Variants in VRK2 observed in about 807,000 individuals in gnomAD.
VRK2 encodes the protein VRK serine/threonine kinase 2.
Under a neutral mutation model 57.6 loss-of-function variants are expected in VRK2, and 60 were observed. The observed-to-expected ratio is 1.04, with a 90% CI of 0.85 to 1.29. The LOEUF is 1.29. VRK2 is among the 50% of genes most tolerant of loss of function. The probability of loss-of-function intolerance (pLI) is 0.00; values close to 1 mark genes in which losing one functional copy is unlikely to be tolerated. For synonymous variants in VRK2, 231 were observed against 199.2 expected (o/e 1.16, Z -1.35); for missense variants, 705 against 588.1 (o/e 1.20, Z -2.06).
chr2:58,069,319 T>A (rs1296947903), intron 2 of VRK2, among the ~76,000 whole-genome samples: 2 of 152,168 alleles, frequency 1.3e-5, no homozygotes, highest in African/African-American at 4.8e-5. Flanking sequence ...GTATTGGTAG[T>A]TTACTTATCG....
chr2:57,953,007 C>T (rs1671475062), intron 1 of VRK2, among the ~76,000 whole-genome samples: 2 of 152,168 alleles, frequency 1.3e-5, no homozygotes, highest in Admixed American at 6.5e-5. Context: ...TCCCCAAGGA[C>T]AGAGTGATGT....
At chr2:58,152,146 A>G (rs542220034) in intron 12 of VRK2, among the ~76,000 whole-genome samples, 2 of 152,054 alleles carry the variant, frequency 1.3e-5, no homozygotes, top group Admixed American at 6.6e-5. Flanking sequence ...AGTATCCACA[A>G]TGGTATAATC....
At chr2:58,086,883 A>C (rs1671698211) in intron 5 of VRK2, among the ~76,000 whole-genome samples, 1 of 152,172 alleles carries the variant, frequency 6.6e-6, no homozygotes, top group Admixed American at 6.5e-5. Context: ...TGCATTCAAG[A>C]AGGAAGTCAT....
At chr2:57,932,176 C>T (rs188067840) in intron 1 of VRK2, among the ~76,000 whole-genome samples, 2 of 151,438 alleles carry the variant, frequency 1.3e-5, no homozygotes, top group African/African-American at 4.9e-5. Flanking sequence ...CTTGTTTTGT[C>T]CTTGTCTGGC....
At chr2:57,928,405 T>A (rs945417190) in intron 1 of VRK2, among the ~76,000 whole-genome samples, 30 of 152,228 alleles carry the variant, frequency 2.0e-4, no homozygotes, top group East Asian at 5.8e-4. Context: ...AATCTCTTTG[T>A]TAAATTTATA....
chr2:58,151,726 T>G (rs1573423834), intron 12 of VRK2, among the ~76,000 whole-genome samples: 1 of 135,568 alleles, frequency 7.4e-6, no homozygotes, highest in East Asian at 2.1e-4. Flanking sequence ...TATGCTTCTA[T>G]GCTTGTTTTT....
At chr2:58,016,653 T>C (rs918136667) in intron 1 of VRK2, among the ~76,000 whole-genome samples, 1 of 152,198 alleles carries the variant, frequency 6.6e-6, no homozygotes, top group African/African-American at 2.4e-5. Flanking sequence ...AGCCACCACC[T>C]GGCCATGTTT....
At chr2:58,094,015 T>G (rs1418845560) in intron 7 of VRK2, among the ~76,000 whole-genome samples, 1 of 152,182 alleles carries the variant, frequency 6.6e-6, no homozygotes, top group African/African-American at 2.4e-5. Flanking sequence ...TTCTGTTCCA[T>G]TGGTCTATAT....
chr2:57,921,498 G>A (rs1253126537), intron 1 of VRK2, among the ~76,000 whole-genome samples: 6 of 151,972 alleles, frequency 3.9e-5, no homozygotes, highest in Non-Finnish European at 8.8e-5. Context: ...AAAATATCCT[G>A]AAAACATTGT....
At chr2:58,140,538 C>A (rs1681182585) in intron 11 of VRK2, among the ~76,000 whole-genome samples, 1 of 151,914 alleles carries the variant, frequency 6.6e-6, no homozygotes, top group Non-Finnish European at 1.5e-5. Context: ...TTTCCTGATG[C>A]ATGTACAGTA....
At chr2:58,041,209 A>G (rs551262763) in intron 3 of VRK2, 7 of 274,114 alleles carry the variant, frequency 2.6e-5, no homozygotes, top group African/African-American at 1.6e-4. Flanking sequence ...CAATTGTTTG[A>G]GAGATAATCT....
chr2:58,113,580 G>C (rs1367517977), intron 7 of VRK2, among the ~76,000 whole-genome samples: 1 of 152,114 alleles, frequency 6.6e-6, no homozygotes. Context: ...GATTTGGGAA[G>C]GTAATGGAAA....
At chr2:58,072,137 C>T (rs1669438473) in intron 2 of VRK2, among the ~76,000 whole-genome samples, 1 of 151,974 alleles carries the variant, frequency 6.6e-6, no homozygotes, top group Non-Finnish European at 1.5e-5. Flanking sequence ...TGCAACTTTG[C>T]CATACTGATG....
intron 2 of VRK2, among the ~76,000 whole-genome samples, chr2:58,079,710 T>G (rs570102150): frequency 6.6e-6 from 1 of 151,992 alleles, no homozygotes; most frequent in Non-Finnish European, 1.5e-5. Flanking sequence ...TATTATAAAT[T>G]TTATTGCTTA....
At chr2:58,130,201 A>G (rs1417846570) in intron 8 of VRK2, among the ~76,000 whole-genome samples, 1 of 152,200 alleles carries the variant, frequency 6.6e-6, no homozygotes, top group Non-Finnish European at 1.5e-5. Context: ...TGTAGCTTAT[A>G]TCATCCAAAC....
intron 1 of VRK2, among the ~76,000 whole-genome samples, chr2:57,972,231 A>C (rs537359933): frequency 9.0e-6 from 1 of 111,220 alleles, no homozygotes; most frequent in South Asian, 2.8e-4. Flanking sequence ...TAAATCTATG[A>C]AACATGTTTT....
At chr2:58,134,832 C>T (rs905386482) in intron 9 of VRK2, among the ~76,000 whole-genome samples, 2 of 152,066 alleles carry the variant, frequency 1.3e-5, no homozygotes, top group African/African-American at 2.4e-5. Flanking sequence ...ATTTGTTATA[C>T]TTTCTCCTGT....
intron 7 of VRK2, among the ~76,000 whole-genome samples, chr2:58,105,053 G>T (rs1293593534): frequency 6.6e-6 from 1 of 151,634 alleles, no homozygotes; most frequent in Non-Finnish European, 1.5e-5. Context: ...ATATACAACA[G>T]TCAACTCAAG....
chr2:58,158,444 CTCTGTA>C (rs1684354743), intron 12 of VRK2, among the ~76,000 whole-genome samples: 1 of 152,126 alleles, frequency 6.6e-6, no homozygotes, highest in Admixed American at 6.5e-5. Context: ...ACTTCCAAAA[CTCTGTA>C]TCTAGAAAGG....
Sources: gnomAD v4.1 joint callset for allele counts (sites outside exome capture counted in the v4.1 genomes callset) on GRCh38, gnomAD v4.1.1 for gene constraint, MANE v1.5 for transcripts, NCBI Gene and HGNC (gene_info 2026-07-23, HGNC 2026-07-21) for gene names.